The following GLB1 variants were observed in gnomAD, a reference collection of about 807,000 sequenced individuals.
GLB1 encodes the protein beta-galactosidase.
A neutral mutation model predicts 74.0 loss-of-function variants in GLB1; 56 were observed. The ratio of observed to expected loss-of-function variants is 0.76; its 90% CI spans 0.61 to 0.94. The LOEUF is 0.94. Ranked by LOEUF, GLB1 falls within the 40% of genes least tolerant of loss-of-function variation. The probability of loss-of-function intolerance (pLI) is 0.00; values close to 1 mark genes in which losing one functional copy is unlikely to be tolerated. For missense variants in GLB1, 787 were observed against 845.5 expected (o/e 0.93, Z 0.86); for synonymous variants, 323 against 323.6 (o/e 1.00, Z 0.02).
At chr3:33,074,551 TCA>T (rs761843007) in intron 1 of GLB1, among the ~76,000 whole-genome samples, 16 of 151,490 alleles carry the variant, frequency 1.1e-4, no homozygotes, top group Non-Finnish European at 1.8e-4. Flanking sequence ...TGTTTTGGGG[TCA>T]CTTCAGGAGC....
chr3:33,071,663 C>T (rs1393604309), intron 2 of GLB1, among the ~76,000 whole-genome samples: 1 of 152,048 alleles, frequency 6.6e-6, no homozygotes, highest in African/African-American at 2.4e-5. Flanking sequence ...GCCTTAGAAG[C>T]AAATCTTCTT....
the GLB1 span, among the ~76,000 whole-genome samples, chr3:32,989,472 G>C: frequency 1.1e-4 from 16 of 152,130 alleles, no homozygotes; most frequent in African/African-American, 3.9e-4. Flanking sequence ...TGTCTGAGAG[G>C]GATGCCCAGC....
At chr3:33,055,859 G>A (rs1349794671) in intron 6 of GLB1, among the ~76,000 whole-genome samples, 3 of 151,682 alleles carry the variant, frequency 2.0e-5, no homozygotes, top group South Asian at 2.1e-4. Flanking sequence ...AAATGCTCTC[G>A]AAACACTCCA....
chr3:33,072,685 T>G lies in GLB1; in HGVS notation c.104A>C (p.Asp35Ala), dbSNP rs770146491. Reference sequence around the variant, plus strand: ...CTTGAGGAAGGAGTCCCGGCTATAGTCAATTTCAAACATCCTCTGGGTGGC... The same window carrying G: ...CTTGAGGAAGGAGTCCCGGCTATAGGCAATTTCAAACATCCTCTGGGTGGC... Reference protein sequence around the residue: ...RNATQRMFEIDYSRDSFLKDG... With the variant: ...RNATQRMFEIAYSRDSFLKDG... Residue 35 changes from aspartate to alanine, a missense_variant, in exon 2 of 16, where the codon GAC (aspartate) becomes GCC (alanine). Physicochemically the swap from Asp to Ala is moderately radical, Grantham distance 126. Transcript: ENST00000307363. The G allele has an allele frequency of 6.2e-7, 1 of 1,614,162 alleles. No homozygotes were observed.
intron 1 of GLB1, among the ~76,000 whole-genome samples, chr3:33,088,917 G>A (rs1700638371): frequency 6.6e-6 from 1 of 152,126 alleles, no homozygotes; most frequent in African/African-American, 2.4e-5. Flanking sequence ...GAATAGCATG[G>A]TAATGACATA....
At chr3:33,095,419 G>A (rs1196205381) in intron 1 of GLB1, among the ~76,000 whole-genome samples, 1 of 152,026 alleles carries the variant, frequency 6.6e-6, no homozygotes, top group African/African-American at 2.4e-5. Flanking sequence ...CCAGCTACTC[G>A]GGAGGCTGAG....
rs920683366 is a variant in GLB1 at position 33,051,916 on chromosome 3, T to C, written c.881A>G (p.Tyr294Cys). 3.7e-6 allele frequency: 6 copies of C among 1,614,152 alleles called. No homozygotes were observed. In the South Asian group the frequency reaches 4.4e-5, roughly 12 times the overall value. ...ACTCGCCCCACGGGCAAGTATATCATAGAGGGAGGAAGCCACTGCTTCGGT... is the reference window on the plus strand; with the variant it reads ...ACTCGCCCCACGGGCAAGTATATCACAGAGGGAGGAAGCCACTGCTTCGGT... Reference protein sequence around the residue: ...IKTEAVASSLYDILARGASVN... With the variant: ...IKTEAVASSLCDILARGASVN... The change falls in exon 8 of 16, where the codon TAT (tyrosine) becomes TGT (cysteine). Residue 294 changes from tyrosine (Y) to cysteine (C), a missense_variant. Transcript: ENST00000307363.
chr3:33,034,001 C>T (rs1424314391), intron 10 of GLB1: 3 of 548,852 alleles, frequency 5.5e-6, no homozygotes, highest in Non-Finnish European at 1.1e-5. Flanking sequence ...CAACAGAGGG[C>T]AGATCCTCAT....
the GLB1 span, among the ~76,000 whole-genome samples, chr3:32,976,295 C>T: frequency 6.6e-6 from 1 of 152,198 alleles, no homozygotes; most frequent in Non-Finnish European, 1.5e-5. Flanking sequence ...AGAAGACTTA[C>T]TGGAGCTATC....
chr3:33,069,031 G>C, intron 2 of GLB1, 61 bp from the exon 3 acceptor site: 2 of 1,613,562 alleles, frequency 1.2e-6, no homozygotes, highest in Non-Finnish European at 1.7e-6. Flanking sequence ...AAAGAAGCGT[G>C]GGGAAAGGGC....
chr3:32,994,457 C>A (rs913718031), downstream of GLB1, among the ~76,000 whole-genome samples: 1 of 152,098 alleles, frequency 6.6e-6, no homozygotes, highest in Admixed American at 6.5e-5. Context: ...TCAATCAATT[C>A]GTGGACAGAT....
Position 33,093,986 on chromosome 3 carries a change from G to T in GLB1, c.75+3025C>A. 2 of 1,614,194 alleles carry T rather than the reference G, an allele frequency of 1.2e-6. No individual in the cohort carries two copies. Among genetic ancestry groups the T allele is most frequent in the Non-Finnish European group, 1.7e-6 (2 of 1,180,028 alleles). On this transcript the variant is annotated intron_variant, in intron 1 of 15. Transcript: ENST00000307363. This position sits in a 1 kb window ranked among gnomAD's most constrained non-coding sequence, Gnocchi z 6.0. ...ACTCTGCAGCTGGGGAGTGGCAGAG[G>T]TTGCTCACTGTGCTGCGCCAAATGT...
At chr3:33,064,456 A>AAAAG (rs1699583463) in intron 5 of GLB1, among the ~76,000 whole-genome samples, 1 of 121,434 alleles carries the variant, frequency 8.2e-6, no homozygotes, top group African/African-American at 3.1e-5. Context: ...AAAAAAACAA[A>AAAAG]AAACCTTTAC....
chr3:33,077,117 T>C, intron 1 of GLB1: 1 of 1,419,940 alleles, frequency 7.0e-7, no homozygotes, highest in Non-Finnish European at 9.3e-7. Context: ...CTCCTTCTTC[T>C]CCCACTCCTG....
At position 33,018,432 on chromosome 3, in the gene GLB1, C is replaced by G. The variant is rs942159689; in HGVS notation, c.1347+16G>C. 1 of 1,607,508 alleles carries G rather than the reference C, an allele frequency of 6.2e-7. No individual in the cohort carries two copies. Among genetic ancestry groups the G allele is most frequent in the African/African-American group, 1.3e-5 (1 of 74,208 alleles). On this transcript the variant is annotated intron_variant, in intron 13 of 15. Transcript: ENST00000307363. ...CCTCACTGGGACAAAACGCACAGTTCAGAGACGATTCTTACCCCATCCACA... is the reference window on the plus strand; with the variant it reads ...CCTCACTGGGACAAAACGCACAGTTGAGAGACGATTCTTACCCCATCCACA...
intron 10 of GLB1, among the ~76,000 whole-genome samples, chr3:33,033,220 T>C (rs1349216989): frequency 1.3e-5 from 2 of 152,196 alleles, no homozygotes; most frequent in Non-Finnish European, 2.9e-5. Flanking sequence ...GTTTGAAATG[T>C]ATGGGGCCAG....
At chr3:33,030,633 G>A in intron 10 of GLB1, 4 of 985,372 alleles carry the variant, frequency 4.1e-6, no homozygotes, top group Non-Finnish European at 4.8e-6. Context: ...TTAAGCTTTT[G>A]AAGTACAGAA....
In GLB1 at chr3:33,097,109, A is replaced by G; in HGVS notation, c.-24T>C. 1 of 1,610,902 alleles carries G rather than the reference A, an allele frequency of 6.2e-7. No homozygotes were observed. The highest frequency in any genetic ancestry group is 8.5e-7 in the Non-Finnish European group (1 of 1,178,388). On this transcript the variant is annotated 5_prime_UTR_variant, in exon 1 of 16. Transcript: ENST00000307363. ...ATGACCACCAGCCTCCCGGCTCTGC[A>G]GTCGGCGCCCAGGCCGGCCGCTTCG...
intron 1 of GLB1, chr3:33,092,854 T>C: frequency 6.2e-7 from 1 of 1,608,042 alleles, no homozygotes; most frequent in Non-Finnish European, 8.5e-7. Context: ...CGCTGCAGGA[T>C]GAGCTCTGTG....
Sources: gnomAD v4.1 joint callset for allele counts (sites outside exome capture counted in the v4.1 genomes callset) on GRCh38, gnomAD v4.1.1 for gene constraint, Gnocchi (gnomAD v3.1) non-coding constraint, MANE v1.5 for transcripts, NCBI Gene and HGNC (gene_info 2026-07-23, HGNC 2026-07-21) for gene names.